Variants in SIGLEC5 observed in about 807,000 individuals in gnomAD.
SIGLEC5 encodes sialic acid binding Ig like lectin 5, also known as sialic acid-binding Ig-like lectin 5.
SIGLEC5 carries 34 observed loss-of-function variants against 45.9 expected under a neutral mutation model. The ratio of observed to expected loss-of-function variants is 0.74; its 90% confidence interval spans 0.56 to 0.99. The LOEUF (loss-of-function observed/expected upper bound fraction) is 0.99. SIGLEC5 is among the 50% of genes least tolerant of loss of function. The pLI, the probability that SIGLEC5 is intolerant of heterozygous loss-of-function variation, is 0.00. For synonymous variants in SIGLEC5, 203 were observed against 258.6 expected, an observed-to-expected ratio of 0.79 and a Z score of 2.06; for missense variants, 508 against 629.6, an observed-to-expected ratio of 0.81 and a Z score of 2.07.
intron 8 of SIGLEC5, among the ~76,000 whole-genome samples, chr19:51,620,480 G>A (rs1983244599): frequency 6.6e-6 from 1 of 152,126 alleles, no homozygotes; most frequent in Non-Finnish European, 1.5e-5. Flanking sequence ...ATCTTTAATT[G>A]TCATTCCCCA....
chr19:51,627,693 A>G lies in SIGLEC5; in HGVS notation c.1051T>C (p.Cys351Arg). The G allele has an allele frequency of 6.2e-7, 1 of 1,606,720 alleles. No homozygotes were observed. The highest frequency in any genetic ancestry group is 8.5e-7 in the Non-Finnish European group (1 of 1,175,870). Residue 351 changes from cysteine (C) to arginine (R), a missense_variant, in exon 6 of 9, where the codon TGC becomes CGC. Around this residue, in one of 2 missense-constraint regions of SIGLEC5, gnomAD observed 431 missense variants for 428.8 expected, o/e 1.01. Transcript: ENST00000683636. ...SCSWEAEGLH[C>R]RCSFRARPAP... ...GGCCGGGCTCGAAAGGAGCATCTGC[A>G]GTGCAGACCCTCAGCCTCCCAGGAG...
chr19:51,614,625 C>T (rs562621477), intron 8 of SIGLEC5, among the ~76,000 whole-genome samples: 6 of 152,120 alleles, frequency 3.9e-5, no homozygotes, highest in East Asian at 1.9e-4. Flanking sequence ...AATAGGTGTG[C>T]GGTATATGAA....
chr19:51,612,038 A>G lies in SIGLEC5; in HGVS notation c.*193T>C, dbSNP rs1982868978. The G allele has an allele frequency of 2.4e-6, 1 of 409,988 alleles. No homozygotes were observed. Among genetic ancestry groups the G allele is most frequent in the Non-Finnish European group, 4.3e-6 (1 of 231,032 alleles). 25.4% of individuals were successfully genotyped at this position (409,988 alleles called of 1,614,324 possible). A position where few individuals can be genotyped will look rare whatever the true frequency, so the allele number is the denominator to read the frequency against. The stretch of plus-strand genomic sequence containing the variant: ...ACTGAGGCACAGAGGGATGCAGTGA[A>G]TTGCTTGATGACAGTGCCAGGGCCT... On this transcript the variant is annotated 3_prime_UTR_variant, in exon 9 of 9. Coordinates refer to ENST00000683636, the MANE Select transcript of SIGLEC5 (RefSeq NM_003830.4).
In SIGLEC5 at chr19:51,629,751, G is replaced by A. The variant is rs1600106258; in HGVS notation, c.421+82C>T. Reference sequence around the variant, plus strand: ...TGCCCCAAGTCCTACACCTCCTCCAGCCGCCCCTGCCCAACTCCTGTCCCT... The same window carrying A: ...TGCCCCAAGTCCTACACCTCCTCCAACCGCCCCTGCCCAACTCCTGTCCCT... On this transcript the variant is annotated intron_variant, in intron 2 of 8. Coordinates refer to ENST00000683636, the MANE Select transcript of SIGLEC5 (RefSeq NM_003830.4). 4.9e-6 allele frequency: 5 copies of A among 1,029,846 alleles called. No homozygotes were observed. In the East Asian group the frequency reaches 1.2e-4, roughly 24 times the overall value. The allele number at this position is 1,029,846 out of a possible 1,614,324, so 63.8% of individuals were successfully genotyped here.
chr19:51,625,960 G>A (rs1407770640), intron 8 of SIGLEC5, 72 bp downstream of exon 8: 7 of 1,240,016 alleles, frequency 5.6e-6, no homozygotes, highest in Admixed American at 5.1e-5. Context: ...AGTGGGTTTG[G>A]TGGAATGCTG....
At chr19:51,617,099 C>A (rs1490156554) in intron 8 of SIGLEC5, among the ~76,000 whole-genome samples, 1 of 150,986 alleles carries the variant, frequency 6.6e-6, no homozygotes, top group East Asian at 2.0e-4. Context: ...ACTAAAAATA[C>A]AAAAAATTAG....
intron 8 of SIGLEC5, among the ~76,000 whole-genome samples, chr19:51,614,292 A>G (rs938789396): frequency 4.6e-5 from 7 of 152,084 alleles, no homozygotes; most frequent in Admixed American, 6.6e-5. Context: ...CACAGGCACA[A>G]GCCACCATGC....
chr19:51,618,282 T>A (rs1384778644), intron 8 of SIGLEC5, among the ~76,000 whole-genome samples: 1 of 151,540 alleles, frequency 6.6e-6, no homozygotes, highest in African/African-American at 2.4e-5. Context: ...ATATACTGTT[T>A]ACAAAAATCA....
chr19:51,615,164 G>C (rs935433908), intron 8 of SIGLEC5, among the ~76,000 whole-genome samples: 1 of 152,160 alleles, frequency 6.6e-6, no homozygotes, highest in African/African-American at 2.4e-5. Context: ...CATAGTTCTT[G>C]TCAAAAGAGT....
intron 8 of SIGLEC5, among the ~76,000 whole-genome samples, chr19:51,614,045 T>C (rs540345607): frequency 1.3e-5 from 2 of 152,282 alleles, no homozygotes; most frequent in Admixed American, 6.5e-5. Flanking sequence ...GGTAACCAGA[T>C]ACAAGTAAGC....
chr19:51,623,790 G>A (rs1252812537), intron 8 of SIGLEC5, among the ~76,000 whole-genome samples: 1 of 152,214 alleles, frequency 6.6e-6, no homozygotes. Context: ...AAGCTCGTGT[G>A]TGTTAGTACG....
chr19:51,619,151 T>C (rs1229437226), intron 8 of SIGLEC5, among the ~76,000 whole-genome samples: 1 of 152,218 alleles, frequency 6.6e-6, no homozygotes, highest in Admixed American at 6.5e-5. Context: ...CTTGGCTCAC[T>C]GCAACCTCCA....
At position 51,622,631 on chromosome 19, in the gene SIGLEC5, G is replaced by A. The variant is rs1006009052; in HGVS notation, c.1464+3401C>T. On this transcript the variant is annotated intron_variant, in intron 8 of 8. Coordinates refer to ENST00000683636, the MANE Select transcript of SIGLEC5 (RefSeq NM_003830.4). The stretch of plus-strand genomic sequence containing the variant: ...AGAATAGAGACCACAGAAAGAGACC[G>A]ACAAATATATAGAATTTTAATACAT... Among the ~76,000 whole-genome samples the A allele has an allele frequency of 3.3e-5, 5 of 152,142 alleles. No homozygotes were observed. In the East Asian group the frequency reaches 7.7e-4, roughly 23 times the overall value.
rs368396637 is a variant in SIGLEC5 at position 51,629,034 on chromosome 19, C to G, written c.739+4G>C. 1.2e-6 allele frequency: 2 copies of G among 1,613,526 alleles called. No homozygotes were observed. The highest frequency in any genetic ancestry group is 3.3e-5 in the Admixed American group (2 of 59,968). On this transcript the variant is annotated splice_donor_region_variant and intron_variant, in intron 4 of 8. Coordinates refer to ENST00000683636, the MANE Select transcript of SIGLEC5 (RefSeq NM_003830.4). The stretch of plus-strand genomic sequence containing the variant: ...CCCAGCTTCAGAGAGGAGGTCTTTC[C>G]TACCTATGCCGTTCCTGAAGATGGT...
intron 8 of SIGLEC5, among the ~76,000 whole-genome samples, chr19:51,613,025 T>G (rs1358633575): frequency 6.6e-6 from 1 of 152,204 alleles, no homozygotes; most frequent in African/African-American, 2.4e-5. Context: ...TTATTTCATG[T>G]GTTTTGTTGT....
chr19:51,630,070 G>A lies in SIGLEC5; in HGVS notation c.184C>T (p.Arg62Trp). 3 of 614,988 alleles carry A rather than the reference G, an allele frequency of 4.9e-6. No homozygotes were observed. Among genetic ancestry groups the A allele is most frequent in the Non-Finnish European group, 7.9e-6 (3 of 379,912 alleles). The allele number at this position is 614,988 out of a possible 1,614,324, so 38.1% of individuals were successfully genotyped here. Residue 62 changes from arginine to tryptophan, a missense_variant, in exon 2 of 9, where the codon CGG becomes TGG. Coordinates refer to ENST00000683636, the MANE Select transcript of SIGLEC5 (RefSeq NM_003830.4). ...SSPPLYVYWFRDGEIPYYAEV... is the reference protein window; with the variant it reads ...SSPPLYVYWFWDGEIPYYAEV... Reference sequence around the variant, plus strand: ...GCGTAGTATGGGATCTCCCCGTCCCGGAACCAGTAGACGTAGAGTGGGGGA... The same window carrying A: ...GCGTAGTATGGGATCTCCCCGTCCCAGAACCAGTAGACGTAGAGTGGGGGA...
Position 51,629,490 on chromosome 19 carries a change from G to T in SIGLEC5, c.568C>A (p.Pro190Thr), listed in dbSNP as rs772339797. Residue 190 changes from proline (P) to threonine (T), a missense_variant, in exon 3 of 9, where the codon CCC becomes ACC. By Grantham distance (38) the Pro-to-Thr change is conservative. Around this residue, in one of 2 missense-constraint regions of SIGLEC5, gnomAD observed 77 missense variants for 200.8 expected, o/e 0.38. Coordinates refer to ENST00000683636, the MANE Select transcript of SIGLEC5 (RefSeq NM_003830.4). ...AGCTCCGAGGAGCGGGTGGTCTCGG[G>T]GTCCAGGGGGCTGAGGGCATTCCCC... Reference protein sequence around the residue: ...WTGNALSPLDPETTRSSELTL... With the variant: ...WTGNALSPLDTETTRSSELTL... The T allele has an allele frequency of 9.3e-6, 15 of 1,610,836 alleles. No homozygotes were observed. The Admixed American group carries it at 1.8e-4, about 20-fold the overall frequency.
In SIGLEC5 at chr19:51,628,576, T is replaced by TGTGTGC. The variant is rs549990268; in HGVS notation, c.739+456_739+461dup. 9.2e-5 allele frequency among the ~76,000 whole-genome samples: 14 copies of TGTGTGC among 152,254 alleles called. No individual in the cohort carries two copies. The South Asian group carries it at 2.5e-3, about 27-fold the overall frequency. On this transcript the variant is annotated intron_variant, in intron 4 of 8. Transcript: ENST00000683636. ...TGAGCAGAGTGCATGAGTGTGCACC[T>TGTGTGC]GTGTGCGTGTGTGTGTGCGTGTGCG... is the stretch of plus-strand genomic sequence containing the variant.
At chr19:51,629,010 C>T (rs374180233) in intron 4 of SIGLEC5, 28 bp downstream of exon 4, 7 of 1,609,486 alleles carry the variant, frequency 4.3e-6, no homozygotes, top group Non-Finnish European at 6.0e-6. Context: ...GAGGCAGGTC[C>T]CAGCTTCAGA....
Sources: allele counts gnomAD v4.1 joint callset (sites outside exome capture counted in the v4.1 genomes callset), GRCh38; gene constraint gnomAD v4.1.1; regional missense constraint gnomAD v4.1.1; transcripts MANE v1.5; gene names NCBI Gene and HGNC (gene_info 2026-07-23, HGNC 2026-07-21).